The following CARMIL3 variants were observed in gnomAD, a reference collection of about 807,000 sequenced individuals.
CARMIL3 encodes the protein capping protein regulator and myosin 1 linker 3, also known as capping protein, Arp2/3 and myosin-I linker protein 3.
Under a neutral mutation model 180.8 loss-of-function variants are expected in CARMIL3, and 88 were observed. That is an observed-to-expected ratio of 0.49 (90% CI 0.41 to 0.58). CARMIL3 has a LOEUF of 0.58. Among genes scored for constraint, CARMIL3 ranks in the 20% least tolerant of loss-of-function variants. The pLI is 0.00. For missense variants in CARMIL3, 1,548 were observed against 1,787.0 expected (o/e 0.87, Z 2.41); for synonymous variants, 696 against 714.5 (o/e 0.97, Z 0.41).
intron 24 of CARMIL3, 83 bp from the exon 25 acceptor site, chr14:24,060,545 C>T: frequency 6.5e-7 from 1 of 1,548,432 alleles, no homozygotes; most frequent in Non-Finnish European, 8.7e-7. Flanking sequence ...TCGGTGCCAG[C>T]ACCAGTAGCA....
Position 24,061,205 on chromosome 14 carries a change from G to A in CARMIL3, c.2304+165G>A, listed in dbSNP as rs2035729743. On this transcript the variant is annotated intron_variant, in intron 26 of 39. Transcript: ENST00000342740. The surrounding 1 kb of genome is among the most constrained non-coding windows in gnomAD (Gnocchi z 4.1). The stretch of plus-strand genomic sequence containing the variant: ...GTACCAAGGCATTGCTGCAATATCA[G>A]GCTTGGATTTTTTTCTGCTAGCTTT... 1.5e-6 allele frequency: 1 copy of A among 671,350 alleles called. No homozygotes were observed. The highest frequency in any genetic ancestry group is 2.5e-6 in the Non-Finnish European group (1 of 400,094). The allele number at this position is 671,350 out of a possible 1,614,324, so 41.6% of individuals were successfully genotyped here.
rs1242321956 is a variant in CARMIL3 at position 24,065,234 on chromosome 14, AT to A, written c.3360del (p.Phe1120LeufsTer108). 6.4e-7 allele frequency: 1 copy of A among 1,550,584 alleles called. No homozygotes were observed. Among genetic ancestry groups the A allele is most frequent in the East Asian group, 2.3e-5 (1 of 43,538 alleles). ...AGGAGGAGAGCAGCCTCCTCCCTGGATTTGGTGGGGGCCGGGGACCTTCCTT... is the reference window on the plus strand; with the variant it reads ...AGGAGGAGAGCAGCCTCCTCCCTGGATTGGTGGGGGCCGGGGACCTTCCTT... ...PEEESSLLPG[F>X]GGGRGPSFRR... is the part of the protein sequence containing the mutation. On this transcript the variant is annotated frameshift_variant, in exon 33 of 40. Coordinates refer to ENST00000342740, the MANE Select transcript of CARMIL3 (RefSeq NM_138360.4). LOFTEE classifies it high-confidence loss of function.
rs761960422 is a variant in CARMIL3, at chr14:24,068,813, C to A, written c.3829C>A (p.Pro1277Thr). ...ACAGGACCCCGCTCTAGCTCCATGGCCTCCCAAGCCAGTGGCTGTGCCCAG... is the reference window on the plus strand; with the variant it reads ...ACAGGACCCCGCTCTAGCTCCATGGACTCCCAAGCCAGTGGCTGTGCCCAG... The part of the protein sequence containing the change: ...KLQDPALAPW[P>T]PKPVAVPRGR... Residue 1277 changes from proline to threonine, a missense_variant, in exon 38 of 40, where the codon CCT (proline) becomes ACT (threonine). Transcript: ENST00000342740. 9.0e-5 allele frequency: 145 copies of A among 1,613,804 alleles called. No individual in the cohort carries two copies. The highest frequency in any genetic ancestry group is 1.2e-4 in the Non-Finnish European group (140 of 1,180,042).
rs2035699981 is a variant in CARMIL3 at position 24,058,740 on chromosome 14, AG to A, written c.1454del (p.Ser485ThrfsTer14). On this transcript the variant is annotated frameshift_variant, in exon 18 of 40. Transcript: ENST00000342740. LOFTEE classifies it high-confidence loss of function. The surrounding 1 kb of genome is among the most constrained non-coding windows in gnomAD (Gnocchi z 6.4). ...GCTGGGAGCTGTCACCTGTGTAGGC[AG>A]CCTGGATCTGTCAGACAATGGTGAG... ...EQLGAVTCVG[S>X]LDLSDNGFDS... is the part of the protein sequence containing the mutation. 1 of 1,614,094 alleles carries A rather than the reference AG, an allele frequency of 6.2e-7. No individual in the cohort carries two copies. Among genetic ancestry groups the A allele is most frequent in the Non-Finnish European group, 8.5e-7 (1 of 1,179,998 alleles).
At chr14:24,052,249 C>G in intron 1 of CARMIL3, 56 bp downstream of exon 1, 1 of 1,514,934 alleles carries the variant, frequency 6.6e-7, no homozygotes, top group Non-Finnish European at 8.8e-7. Flanking sequence ...CCAGACCCAG[C>G]GCGTTCCTCC....
chr14:24,058,034 C>G lies in CARMIL3; in HGVS notation c.1292C>G (p.Ser431Trp), dbSNP rs758395109. Residue 431 changes from serine (S) to tryptophan (W), a missense_variant, in exon 16 of 40, where the codon TCG (serine) becomes TGG (tryptophan). By Grantham distance (177) the Ser-to-Trp change is radical. Transcript: ENST00000342740. This position sits in a 1 kb window ranked among gnomAD's most constrained non-coding sequence, Gnocchi z 6.4. The stretch of plus-strand genomic sequence containing the variant: ...TACACACTGAGCCACGTCAATCTGT[C>G]GGCCACAAAGCTGCCCCTGGAGGCC... The part of the protein sequence containing the change: ...SAYTLSHVNL[S>W]ATKLPLEALR... The G allele has an allele frequency of 6.2e-7, 1 of 1,613,800 alleles. No homozygotes were observed. Among genetic ancestry groups the G allele is most frequent in the South Asian group, 1.1e-5 (1 of 91,084 alleles).
rs1296921400 is a variant in CARMIL3, at chr14:24,065,138, G to A, written c.3261G>A (p.Pro1087=). 2.4e-4 allele frequency: 66 copies of A among 275,714 alleles called. 1 individual carries two copies. Among genetic ancestry groups the A allele is most frequent in the Middle Eastern group, 2.2e-3 (2 of 902 alleles). 17.1% of individuals were successfully genotyped at this position (275,714 alleles called of 1,614,324 possible). ...LLLPPPPPPP[P]TQESPPSPDP... The stretch of plus-strand genomic sequence containing the variant: ...TCCCTCCACCCCCACCCCCTCCCCC[G>A]ACTCAGGAGAGCCCCCCTAGCCCAG... The change falls in exon 33 of 40, where the codon CCG becomes CCA. Residue 1087 remains proline (P), a synonymous_variant. Transcript: ENST00000342740.
chr14:24,065,640 C>T lies in CARMIL3; in HGVS notation c.3415C>T (p.Pro1139Ser). The change falls in exon 34 of 40, where the codon CCA becomes TCA. Residue 1139 changes from proline to serine, a missense_variant. Pro to Ser is a moderately conservative substitution (Grantham distance 74). Coordinates refer to ENST00000342740, the MANE Select transcript of CARMIL3 (RefSeq NM_138360.4). Reference protein sequence around the residue: ...RRKMGTEGSEPGEGGPAPGTA... With the variant: ...RRKMGTEGSESGEGGPAPGTA... ...GTTCTAGGGCACTGAGGGGTCAGAG[C>T]CAGGGGAGGGGGGCCCAGCCCCTGG... is the stretch of plus-strand genomic sequence containing the variant. 6.2e-7 allele frequency: 1 copy of T among 1,612,590 alleles called. No homozygotes were observed. Among genetic ancestry groups the T allele is most frequent in the Non-Finnish European group, 8.5e-7 (1 of 1,179,292 alleles).
rs760788131 is a variant in CARMIL3 at position 24,064,983 on chromosome 14, C to T, written c.3106C>T (p.Arg1036Trp). ...SSYPRTLRTV[R>W]PGLSEAPLPP... The stretch of plus-strand genomic sequence containing the variant: ...CTACCCCCGGACTCTGAGGACCGTG[C>T]GGCCAGGACTCTCGGAGGCACCGCT... The change falls in exon 33 of 40, where the codon CGG (arginine) becomes TGG (tryptophan). Residue 1036 changes from arginine to tryptophan, a missense_variant. This residue lies in a region of CARMIL3 where 668 missense variants were observed against 687.8 expected (regional missense o/e 0.97). Coordinates refer to ENST00000342740, the MANE Select transcript of CARMIL3 (RefSeq NM_138360.4). 9 of 1,611,870 alleles carry T rather than the reference C, an allele frequency of 5.6e-6. No individual in the cohort carries two copies. The highest frequency in any genetic ancestry group is 1.7e-4 in the Middle Eastern group (1 of 6,056).
chr14:24,066,407 C>G lies in CARMIL3; in HGVS notation c.3535C>G (p.Pro1179Ala). 6.2e-7 allele frequency: 1 copy of G among 1,614,196 alleles called. No homozygotes were observed. The highest frequency in any genetic ancestry group is 8.5e-7 in the Non-Finnish European group (1 of 1,180,020). Residue 1179 changes from proline to alanine, a missense_variant, in exon 35 of 40, where the codon CCA (proline) becomes GCA (alanine). Around this residue, in one of 4 missense-constraint regions of CARMIL3, gnomAD observed 668 missense variants for 687.8 expected, o/e 0.97. Transcript: ENST00000342740. Reference sequence around the variant, plus strand: ...CCCACTGTTCTTTCAGGGCCCAGGCCCAGACCAGGAGGGCAGCACCCAGGC... The same window carrying G: ...CCCACTGTTCTTTCAGGGCCCAGGCGCAGACCAGGAGGGCAGCACCCAGGC... ...SFDGKREGPG[P>A]DQEGSTQAWQ...
Position 24,069,147 on chromosome 14 carries a change from T to A in CARMIL3, c.3993T>A (p.Asp1331Glu). 1 of 1,613,906 alleles carries A rather than the reference T, an allele frequency of 6.2e-7. No homozygotes were observed. The highest frequency in any genetic ancestry group is 8.5e-7 in the Non-Finnish European group (1 of 1,179,954). Reference sequence around the variant, plus strand: ...TGATTGTTATTTCAGGGCCCCCTGATCCAGGCCGGCGGACTGCCCCCCTGA... The same window carrying A: ...TGATTGTTATTTCAGGGCCCCCTGAACCAGGCCGGCGGACTGCCCCCCTGA... ...QEEPEVQGPP[D>E]PGRRTAPLKP... Residue 1331 changes from aspartate to glutamate, a missense_variant, in exon 39 of 40, where the codon GAT becomes GAA. By Grantham distance (45) the Asp-to-Glu change is conservative. Around this residue, in one of 4 missense-constraint regions of CARMIL3, gnomAD observed 668 missense variants for 687.8 expected, o/e 0.97. Transcript: ENST00000342740.
intron 14 of CARMIL3, among the ~76,000 whole-genome samples, chr14:24,057,507 G>A (rs1381561650): frequency 1.3e-5 from 2 of 152,142 alleles, no homozygotes; most frequent in Admixed American, 6.5e-5. Flanking sequence ...GGGAATGGAT[G>A]CTTTTCCTAA....
At chr14:24,052,837 GT>G (rs2035631593) in intron 1 of CARMIL3, among the ~76,000 whole-genome samples, 1 of 152,160 alleles carries the variant, frequency 6.6e-6, no homozygotes, top group South Asian at 2.1e-4. Context: ...CGTTTGCATG[GT>G]TCTCAGACCT....
At position 24,061,060 on chromosome 14, in the gene CARMIL3, G is replaced by C; in HGVS notation, c.2304+20G>C. 1 of 1,545,544 alleles carries C rather than the reference G, an allele frequency of 6.5e-7. No homozygotes were observed. The highest frequency in any genetic ancestry group is 8.8e-7 in the Non-Finnish European group (1 of 1,141,666). On this transcript the variant is annotated intron_variant, in intron 26 of 39. Transcript: ENST00000342740. The surrounding 1 kb of genome is among the most constrained non-coding windows in gnomAD (Gnocchi z 4.1). ...CTGCAGGCAAGTCCTGGAGGAGGGAGGAATCCATGGTGGGAACCTAGTGTT... is the reference window on the plus strand; with the variant it reads ...CTGCAGGCAAGTCCTGGAGGAGGGACGAATCCATGGTGGGAACCTAGTGTT...
At chr14:24,052,279 G>A (rs2035624638) in intron 1 of CARMIL3, 86 bp downstream of exon 1, 13 of 1,359,914 alleles carry the variant, frequency 9.6e-6, no homozygotes, top group African/African-American at 3.0e-5. Flanking sequence ...ATCCCAGCCC[G>A]GTGTCTCACA....
Position 24,052,045 on chromosome 14 carries a change from G to A in CARMIL3, c.-109G>A, listed in dbSNP as rs1172998712. The A allele has an allele frequency of 1.4e-5, 16 of 1,162,440 alleles. No individual in the cohort carries two copies. Among genetic ancestry groups the A allele is most frequent in the Non-Finnish European group, 1.7e-5 (15 of 878,348 alleles). 72.0% of individuals were successfully genotyped at this position (1,162,440 alleles called of 1,614,324 possible). ...CCTGACCGGAGCGGGCTCGGCCGCT[G>A]CTGCAGCGCTCAGCGCCCGGGCCCT... On this transcript the variant is annotated 5_prime_UTR_variant, in exon 1 of 40. Coordinates refer to ENST00000342740, the MANE Select transcript of CARMIL3 (RefSeq NM_138360.4).
At chr14:24,063,054 G>C in intron 29 of CARMIL3, 66 bp from the exon 30 acceptor site, 1 of 1,589,220 alleles carries the variant, frequency 6.3e-7, no homozygotes, top group South Asian at 1.1e-5. Flanking sequence ...CTCAAATAAG[G>C]TTTCATGAGG....
Position 24,069,064 on chromosome 14 carries a change from G to A in CARMIL3, c.3983-73G>A. The A allele has an allele frequency of 2.5e-6, 4 of 1,597,494 alleles. No homozygotes were observed. In the South Asian group the frequency reaches 4.5e-5, roughly 18 times the overall value. ...AGAGCATGGAATGAGTGACAACCAGGAGTCACAGCCTGGATGAGCATCCCA... is the reference window on the plus strand; with the variant it reads ...AGAGCATGGAATGAGTGACAACCAGAAGTCACAGCCTGGATGAGCATCCCA... On this transcript the variant is annotated intron_variant, in intron 38 of 39. Coordinates refer to ENST00000342740, the MANE Select transcript of CARMIL3 (RefSeq NM_138360.4).
intron 1 of CARMIL3, among the ~76,000 whole-genome samples, chr14:24,053,501 C>T (rs1594545952): frequency 6.6e-6 from 1 of 152,248 alleles, no homozygotes; most frequent in Non-Finnish European, 1.5e-5. Flanking sequence ...ACCCTACTCC[C>T]TCTCTAATAG....
Sources: gnomAD v4.1 joint callset for allele counts (sites outside exome capture counted in the v4.1 genomes callset) on GRCh38, gnomAD v4.1.1 for gene constraint, gnomAD v4.1.1 regional missense constraint, Gnocchi (gnomAD v3.1) non-coding constraint, MANE v1.5 for transcripts, NCBI Gene and HGNC (gene_info 2026-07-23, HGNC 2026-07-21) for gene names.